The following ZBTB46 variants were observed in gnomAD, a reference collection of about 807,000 sequenced individuals.
ZBTB46 encodes the protein zinc finger and BTB domain-containing protein 46.
Under a neutral mutation model 44.1 loss-of-function variants are expected in ZBTB46, and 8 were observed. That is an observed-to-expected ratio of 0.18 (90% CI 0.11 to 0.33). The LOEUF (loss-of-function observed/expected upper bound fraction) is 0.33, where lower values mean the gene tolerates loss of function less well. Ranked by LOEUF, ZBTB46 falls within the 10% of genes least tolerant of loss-of-function variation. The pLI is 1.00. For missense variants in ZBTB46, 651 were observed against 847.7 expected, an observed-to-expected ratio of 0.77 and a Z score of 2.88; for synonymous variants, 409 against 382.3, an observed-to-expected ratio of 1.07 and a Z score of -0.81.
intron 3 of ZBTB46, among the ~76,000 whole-genome samples, chr20:63,770,028 A>C (rs1253055970): frequency 3.3e-5 from 5 of 152,182 alleles, no homozygotes; most frequent in Admixed American, 3.3e-4. Context: ...GCGGCACCGC[A>C]CCGCCATGGC....
At chr20:63,830,803 C>G (rs1394149253) in intron 1 of ZBTB46, among the ~76,000 whole-genome samples, 1 of 144,596 alleles carries the variant, frequency 6.9e-6, no homozygotes, top group Non-Finnish European at 1.5e-5. Context: ...CCGCGCTCAG[C>G]CCCGCGGGGA....
chr20:63,766,156 T>C (rs2092318478), intron 3 of ZBTB46, among the ~76,000 whole-genome samples: 2 of 151,216 alleles, frequency 1.3e-5, no homozygotes, highest in Admixed American at 1.3e-4. Context: ...TCTTCTGTCA[T>C]GGTGCCCAGG....
chr20:63,813,557 C>G (rs993183978), intron 1 of ZBTB46, among the ~76,000 whole-genome samples: 2 of 152,186 alleles, frequency 1.3e-5, no homozygotes, highest in Non-Finnish European at 2.9e-5. Flanking sequence ...CCTGCGCGGG[C>G]GAGTCCCAGC....
intron 1 of ZBTB46, among the ~76,000 whole-genome samples, chr20:63,822,394 T>G (rs1314675240): frequency 6.6e-6 from 1 of 152,106 alleles, no homozygotes; most frequent in Non-Finnish European, 1.5e-5. Flanking sequence ...GTGCTCTCCC[T>G]AGAGCTGACA....
At chr20:63,805,720 G>A (rs2092676884) in intron 1 of ZBTB46, among the ~76,000 whole-genome samples, 1 of 152,024 alleles carries the variant, frequency 6.6e-6, no homozygotes, top group African/African-American at 2.4e-5. Flanking sequence ...AGCAGCCCCA[G>A]GAAACTAATA....
chr20:63,766,585 A>G (rs2092322436), intron 3 of ZBTB46, among the ~76,000 whole-genome samples: 1 of 151,984 alleles, frequency 6.6e-6, no homozygotes, highest in Non-Finnish European at 1.5e-5. Context: ...TAAAACTCCA[A>G]CAGGCATTTG....
intron 3 of ZBTB46, among the ~76,000 whole-genome samples, chr20:63,760,255 C>A (rs1461142710): frequency 6.6e-6 from 1 of 152,186 alleles, no homozygotes; most frequent in Non-Finnish European, 1.5e-5. Context: ...GAAGCTTTCT[C>A]TGTGGGAAGG....
At chr20:63,815,807 T>C (rs1350863875) in intron 1 of ZBTB46, among the ~76,000 whole-genome samples, 2 of 144,336 alleles carry the variant, frequency 1.4e-5, no homozygotes, top group African/African-American at 5.3e-5. Flanking sequence ...TGGGTACAGA[T>C]GGGCATAGGT....
At chr20:63,796,660 T>A (rs1036328602) in intron 1 of ZBTB46, among the ~76,000 whole-genome samples, 1 of 151,892 alleles carries the variant, frequency 6.6e-6, no homozygotes, top group Non-Finnish European at 1.5e-5. Context: ...ACCCCATCTC[T>A]ACTAAAATAC....
chr20:63,752,903 T>C lies in ZBTB46; in HGVS notation c.1223-42A>G, dbSNP rs1296331327. ...CGCGAGGCGTCAGCAGGGCTTGGGA[T>C]GTACCGCCCTGCGGCCCACAGACCA... On this transcript the variant is annotated intron_variant, in intron 3 of 4. Coordinates refer to ENST00000245663, the MANE Select transcript of ZBTB46 (RefSeq NM_001369741.1). This position sits in a 1 kb window ranked among gnomAD's most constrained non-coding sequence, Gnocchi z 5.6. 6.4e-7 allele frequency: 1 copy of C among 1,552,304 alleles called. No individual in the cohort carries two copies. The highest frequency in any genetic ancestry group is 8.7e-7 in the Non-Finnish European group (1 of 1,145,216).
chr20:63,776,622 G>A (rs972946118), intron 2 of ZBTB46, among the ~76,000 whole-genome samples: 1 of 152,132 alleles, frequency 6.6e-6, no homozygotes, highest in Non-Finnish European at 1.5e-5. Flanking sequence ...TGGCCAACAT[G>A]GTGAAACCCC....
intron 1 of ZBTB46, among the ~76,000 whole-genome samples, chr20:63,823,942 T>G (rs561774073): frequency 3.3e-5 from 5 of 151,398 alleles, no homozygotes; most frequent in African/African-American, 1.2e-4. Flanking sequence ...AACCGTTGAA[T>G]GGGCTCCCCA....
chr20:63,822,783 G>A (rs2092799453), intron 1 of ZBTB46, among the ~76,000 whole-genome samples: 5 of 152,152 alleles, frequency 3.3e-5, no homozygotes, highest in Non-Finnish European at 5.9e-5. Context: ...GGAGGCTGAG[G>A]CAGGATGAAT....
chr20:63,750,139 G>C (rs1234495829), intron 4 of ZBTB46, among the ~76,000 whole-genome samples: 1 of 152,230 alleles, frequency 6.6e-6, no homozygotes, highest in East Asian at 1.9e-4. Flanking sequence ...GGACCGGCTA[G>C]AGCTGCTGTC....
At chr20:63,774,466 T>C (rs2092403273) in intron 3 of ZBTB46, among the ~76,000 whole-genome samples, 1 of 152,054 alleles carries the variant, frequency 6.6e-6, no homozygotes, top group Non-Finnish European at 1.5e-5. Context: ...CAGCAAACAA[T>C]GTGTCCACAC....
At position 63,787,536 on chromosome 20, in the gene ZBTB46, C is replaced by T. The variant is rs2092525706; in HGVS notation, c.937+2285G>A. On this transcript the variant is annotated intron_variant, in intron 2 of 4. Transcript: ENST00000245663. The surrounding 1 kb of genome is among the most constrained non-coding windows in gnomAD (Gnocchi z 4.6). Reference sequence around the variant, plus strand: ...CCCTTTCTATGTTTAGACACACAAACACTTCCCATGGTGCCACAGCTGCCT... The same window carrying T: ...CCCTTTCTATGTTTAGACACACAAATACTTCCCATGGTGCCACAGCTGCCT... 6.6e-6 allele frequency among the ~76,000 whole-genome samples: 1 copy of T among 152,200 alleles called. No individual in the cohort carries two copies. Among genetic ancestry groups the T allele is most frequent in the Non-Finnish European group, 1.5e-5 (1 of 68,046 alleles).
rs573413621 is a variant in ZBTB46 at position 63,765,134 on chromosome 20, T to G, written c.1222+10544A>C. On this transcript the variant is annotated intron_variant, in intron 3 of 4. Transcript: ENST00000245663. ...GTGTGTGTGTGCGTGTGTGTGTGTG[T>G]GGGGCTTAGAGGCTTGGGGTGGGGG... is the stretch of plus-strand genomic sequence containing the variant. Among the ~76,000 whole-genome samples, 242 of 152,062 alleles carry G rather than the reference T, an allele frequency of 1.6e-3. 1 individual carries two copies. The highest frequency in any genetic ancestry group is 0.014 in the South Asian group (69 of 4,812).
upstream of ZBTB46, among the ~76,000 whole-genome samples, chr20:63,832,356 G>T (rs2092856410): frequency 6.6e-6 from 1 of 152,110 alleles, no homozygotes; most frequent in African/African-American, 2.4e-5. The surrounding 1 kb of genome is among the most constrained non-coding windows in gnomAD (Gnocchi z 5.0). Flanking sequence ...CCTGTGGCCG[G>T]CAGCCGCGCG....
chr20:63,784,119 A>C (rs1031953852), intron 2 of ZBTB46, among the ~76,000 whole-genome samples: 22 of 152,186 alleles, frequency 1.4e-4, no homozygotes. Context: ...GGAACACCAG[A>C]AGGGGACACA....
Sources: gnomAD v4.1 joint callset for allele counts (sites outside exome capture counted in the v4.1 genomes callset) on GRCh38, gnomAD v4.1.1 for gene constraint, Gnocchi (gnomAD v3.1) non-coding constraint, MANE v1.5 for transcripts, NCBI Gene and HGNC (gene_info 2026-07-23, HGNC 2026-07-21) for gene names.